The following CDH23 variants were observed in gnomAD, a reference collection of about 807,000 sequenced individuals.
CDH23 encodes the protein cadherin related 23.
Under a neutral mutation model 317.1 loss-of-function variants are expected in CDH23, and 189 were observed. The ratio of observed to expected loss-of-function variants is 0.60; its 90% CI spans 0.53 to 0.67. The LOEUF (loss-of-function observed/expected upper bound fraction) is 0.67, where lower values mean the gene tolerates loss of function less well. Ranked by LOEUF, CDH23 falls within the 30% of genes least tolerant of loss-of-function variation. The pLI, the probability that CDH23 is intolerant of heterozygous loss-of-function variation, is 0.00. For synonymous variants in CDH23, 1,839 were observed against 1,876.8 expected, an observed-to-expected ratio of 0.98 and a Z score of 0.52; for missense variants, 4,401 against 4,592.4, an observed-to-expected ratio of 0.96 and a Z score of 1.20.
At position 71,810,063 on chromosome 10, in the gene CDH23, C is replaced by T. The variant is rs368110124; in HGVS notation, c.8966C>T (p.Thr2989Ile). 6.2e-6 allele frequency: 10 copies of T among 1,612,186 alleles called. No individual in the cohort carries two copies. The South Asian group carries it at 8.8e-5, about 14-fold the overall frequency. ...LSNITGAIVN[T>I]DNVQFHVDKK... ...AACATCACTGGGGCCATTGTCAATACTGACAATGTGCAGGTGCCTCATGGG... is the reference window on the plus strand; with the variant it reads ...AACATCACTGGGGCCATTGTCAATATTGACAATGTGCAGGTGCCTCATGGG... Residue 2989 changes from threonine (T) to isoleucine (I), a missense_variant, in exon 61 of 70, where the codon ACT becomes ATT. Thr to Ile is a moderately conservative substitution (Grantham distance 89). Coordinates refer to ENST00000224721, the MANE Select transcript of CDH23 (RefSeq NM_022124.6).
chr10:71,681,331 T>G (rs899640797), intron 17 of CDH23, among the ~76,000 whole-genome samples: 11 of 152,250 alleles, frequency 7.2e-5, no homozygotes, highest in African/African-American at 2.2e-4. Flanking sequence ...CCAATATACC[T>G]TCCCTCCCCA....
In CDH23 at chr10:71,791,204, T is replaced by C; in HGVS notation, c.6122T>C (p.Leu2041Pro). 6.2e-7 allele frequency: 1 copy of C among 1,613,654 alleles called. No homozygotes were observed. The change falls in exon 47 of 70, where the codon CTG becomes CCG. Residue 2041 changes from leucine (L) to proline (P), a missense_variant. Transcript: ENST00000224721. The stretch of plus-strand genomic sequence containing the variant: ...TCGCCACCCATCCTGGAGCTGCTGC[T>C]GCTGGCTGAGGACATCGGGCTGCTC... Reference protein sequence around the residue: ...AFSPPILELLLLAEDIGLLNS... With the variant: ...AFSPPILELLPLAEDIGLLNS...
At chr10:71,661,811 CACGCCCCCTCCCACCCT>C (rs1267640737) in intron 14 of CDH23, among the ~76,000 whole-genome samples, 12 of 73,296 alleles carry the variant, frequency 1.6e-4, no homozygotes, top group East Asian at 9.6e-4. Flanking sequence ...TCCCACCCTG[CACGCCCCCTCCCACCCT>C]GCGCCCCCTC....
At chr10:71,497,860 G>T (rs1351430928) in intron 3 of CDH23, among the ~76,000 whole-genome samples, 1 of 152,172 alleles carries the variant, frequency 6.6e-6, no homozygotes, top group Non-Finnish European at 1.5e-5. Context: ...AAATGAGCTT[G>T]TTGGCCATAT....
rs571609989 is a variant in CDH23, at chr10:71,673,268, G to C, written c.1450-1844G>C. ...TTCCTTTGACAAAGGCAAATGATGG[G>C]GGCCAAGGAGGTATGGTTTGGTCAC... On this transcript the variant is annotated intron_variant, in intron 14 of 69. Transcript: ENST00000224721. Among the ~76,000 whole-genome samples, 24 of 152,292 alleles carry C rather than the reference G, an allele frequency of 1.6e-4. No individual in the cohort carries two copies. The East Asian group carries it at 3.7e-3, about 23-fold the overall frequency.
intron 46 of CDH23, chr10:71,790,901 C>CAG (rs1841233252): frequency 1.4e-5 from 8 of 582,124 alleles, no homozygotes; most frequent in Admixed American, 3.0e-5. Context: ...TTGAAGACAG[C>CAG]AGAGGGCACC....
intron 3 of CDH23, among the ~76,000 whole-genome samples, chr10:71,499,655 C>T (rs1853170017): frequency 6.6e-6 from 1 of 151,820 alleles, no homozygotes; most frequent in Non-Finnish European, 1.5e-5. Context: ...GCCTGACCAA[C>T]ATGGAGAAAC....
At chr10:71,523,519 T>G (rs1255820320) in intron 6 of CDH23, among the ~76,000 whole-genome samples, 7 of 152,144 alleles carry the variant, frequency 4.6e-5, no homozygotes, top group Admixed American at 4.6e-4. Flanking sequence ...GTGGAAGTAA[T>G]GCCTAAAGTG....
Position 71,615,632 on chromosome 10 carries a change from G to A in CDH23, c.945+16G>A, listed in dbSNP as rs772721045. On this transcript the variant is annotated intron_variant, in intron 10 of 69. Transcript: ENST00000224721. ...GACTGTGAAGGTGAGACCTGGGTGG[G>A]CACCTTCACCCCAGGTAGAGGAGAT... The A allele has an allele frequency of 6.4e-7, 1 of 1,561,268 alleles. No individual in the cohort carries two copies. Among genetic ancestry groups the A allele is most frequent in the Admixed American group, 1.7e-5 (1 of 59,836 alleles).
chr10:71,769,930 G>T (rs1401773876), intron 38 of CDH23, among the ~76,000 whole-genome samples: 1 of 152,132 alleles, frequency 6.6e-6, no homozygotes, highest in Non-Finnish European at 1.5e-5. Flanking sequence ...GGCCAGGCTT[G>T]CCTTCAAGTT....
intron 3 of CDH23, among the ~76,000 whole-genome samples, chr10:71,479,986 G>A (rs1307202145): frequency 4.6e-5 from 7 of 152,212 alleles, no homozygotes; most frequent in Admixed American, 6.5e-5. Flanking sequence ...TGCCTGCCAC[G>A]TGGTAATCCA....
chr10:71,413,365 T>C (rs967270258), intron 1 of CDH23, among the ~76,000 whole-genome samples: 4 of 152,236 alleles, frequency 2.6e-5, no homozygotes, highest in Non-Finnish European at 5.9e-5. Context: ...GTTCCACCTT[T>C]TTGATCACTG....
chr10:71,791,192 T>C lies in CDH23; in HGVS notation c.6110T>C (p.Leu2037Pro), dbSNP rs1479849401. 3.1e-6 allele frequency: 5 copies of C among 1,613,364 alleles called. No homozygotes were observed. Among genetic ancestry groups the C allele is most frequent in the Non-Finnish European group, 4.2e-6 (5 of 1,179,666 alleles). The change falls in exon 47 of 70, where the codon CTG (leucine) becomes CCG (proline). Residue 2037 changes from leucine to proline, a missense_variant. Transcript: ENST00000224721. ...IDREAFSPPILELLLLAEDIG... is the reference protein window; with the variant it reads ...IDREAFSPPIPELLLLAEDIG... ...CGGGAGGCATTCTCGCCACCCATCC[T>C]GGAGCTGCTGCTGCTGGCTGAGGAC...
At chr10:71,633,232 G>A (rs111640393) in intron 11 of CDH23, among the ~76,000 whole-genome samples, 48 of 152,114 alleles carry the variant, frequency 3.2e-4, no homozygotes, top group African/African-American at 1.0e-3. Flanking sequence ...AAATTTCAAC[G>A]TGAATTTTGG....
At chr10:71,432,908 G>C (rs1170754688) in intron 1 of CDH23, among the ~76,000 whole-genome samples, 1 of 152,138 alleles carries the variant, frequency 6.6e-6, no homozygotes, top group Non-Finnish European at 1.5e-5. Flanking sequence ...GACCCTCCCA[G>C]CTCCCAGAGT....
chr10:71,780,290 C>T (rs1196700388), intron 41 of CDH23, among the ~76,000 whole-genome samples: 1 of 152,132 alleles, frequency 6.6e-6, no homozygotes, highest in Non-Finnish European at 1.5e-5. Flanking sequence ...TTGGAGGACA[C>T]GGGCAATGAA....
chr10:71,526,316 G>A (rs575130235), intron 6 of CDH23, among the ~76,000 whole-genome samples: 5 of 152,334 alleles, frequency 3.3e-5, no homozygotes, highest in South Asian at 2.1e-4. Context: ...AGCATCCAGC[G>A]CTCACCTGTG....
chr10:71,400,184 CT>C (rs1166273412), intron 1 of CDH23, among the ~76,000 whole-genome samples: 1 of 152,212 alleles, frequency 6.6e-6, no homozygotes, highest in Non-Finnish European at 1.5e-5. Context: ...AGTTATACCC[CT>C]GGTCCTCTGG....
chr10:71,585,806 A>G (rs1859018063), intron 9 of CDH23, among the ~76,000 whole-genome samples: 1 of 152,186 alleles, frequency 6.6e-6, no homozygotes, highest in Non-Finnish European at 1.5e-5. Flanking sequence ...AGCCATGCTC[A>G]TGATTCCCTG....
Sources: gnomAD v4.1 joint callset for allele counts (sites outside exome capture counted in the v4.1 genomes callset) on GRCh38, gnomAD v4.1.1 for gene constraint, MANE v1.5 for transcripts, NCBI Gene and HGNC (gene_info 2026-07-23, HGNC 2026-07-21) for gene names.